Variants in C7orf33 observed in about 807,000 individuals in gnomAD.
The protein encoded by C7orf33 is uncharacterized protein C7orf33.
A neutral mutation model predicts 13.4 loss-of-function variants in C7orf33; 15 were observed. That is an observed-to-expected ratio of 1.12 (90% CI 0.75 to 1.72). C7orf33 has a LOEUF of 1.72. Ranked by LOEUF, C7orf33 falls within the 40% of genes most tolerant of loss-of-function variation. The pLI is 0.00. For missense variants in C7orf33, 187 were observed against 220.3 expected (o/e 0.85, Z 0.96); for synonymous variants, 73 against 83.2 (o/e 0.88, Z 0.67).
chr7:148,595,258 A>G (rs1796315313), intron 1 of C7orf33, among the ~76,000 whole-genome samples: 1 of 144,060 alleles, frequency 6.9e-6, no homozygotes, highest in Admixed American at 7.2e-5. Context: ...TATATCATGT[A>G]TAATATAGAG....
intron 1 of C7orf33, among the ~76,000 whole-genome samples, chr7:148,609,874 C>G (rs1410719282): frequency 1.3e-5 from 2 of 152,184 alleles, no homozygotes; most frequent in Non-Finnish European, 2.9e-5. Context: ...CAGTGTCCCC[C>G]ACCTGGAGGG....
rs143914877 is a variant in C7orf33, at chr7:148,597,858, C to T, written c.204+6729C>T. On this transcript the variant is annotated intron_variant, in intron 1 of 2. Coordinates refer to ENST00000307003, the MANE Select transcript of C7orf33 (RefSeq NM_145304.4). Reference sequence around the variant, plus strand: ...GCAAGCTCCGCTTCCCAGGTTCACGCCATTCTCCTGCCTTAGCCTCCCGAG... The same window carrying T: ...GCAAGCTCCGCTTCCCAGGTTCACGTCATTCTCCTGCCTTAGCCTCCCGAG... Among the ~76,000 whole-genome samples, 677 of 152,184 alleles carry T rather than the reference C, an allele frequency of 4.4e-3. 8 individuals are homozygous for T. Among genetic ancestry groups the T allele is most frequent in the African/African-American group, 0.015 (634 of 41,534 alleles).
chr7:148,599,471 T>C (rs1159081715), intron 1 of C7orf33, among the ~76,000 whole-genome samples: 5 of 89,114 alleles, frequency 5.6e-5, no homozygotes, highest in Non-Finnish European at 2.4e-5. Flanking sequence ...ATTCTCAGAT[T>C]TTTTTTTTTT....
chr7:148,613,934 G>A (rs532506613), intron 1 of C7orf33, 108 bp from the exon 2 acceptor site: 6 of 1,162,350 alleles, frequency 5.2e-6, no homozygotes, highest in Non-Finnish European at 7.3e-6. Context: ...TCATGTGTCT[G>A]ACAGCTACTT....
In C7orf33 at chr7:148,614,164, A is replaced by G; in HGVS notation, c.327A>G (p.Ala109=). The G allele has an allele frequency of 6.2e-7, 1 of 1,614,224 alleles. No individual in the cohort carries two copies. Among genetic ancestry groups the G allele is most frequent in the Non-Finnish European group, 8.5e-7 (1 of 1,180,048 alleles). Residue 109 remains alanine (A), a synonymous_variant, in exon 2 of 3, where the codon GCA becomes GCG. Coordinates refer to ENST00000307003, the MANE Select transcript of C7orf33 (RefSeq NM_145304.4). ...LSQGPTDAQR[A]VRIRPGTRMG... ...AAGGTCCCACGGATGCCCAGAGAGC[A>G]GTCAGAATCAGGCCAGGCACCAGGA... is the stretch of plus-strand genomic sequence containing the variant.
At chr7:148,602,014 A>T (rs1796422633) in intron 1 of C7orf33, among the ~76,000 whole-genome samples, 1 of 152,038 alleles carries the variant, frequency 6.6e-6, no homozygotes, top group Non-Finnish European at 1.5e-5. Flanking sequence ...CTGCCAAAGT[A>T]CTGGGATTAC....
chr7:148,604,233 T>G (rs111780925), intron 1 of C7orf33, among the ~76,000 whole-genome samples: 14,020 of 151,814 alleles, frequency 0.092, 2,153 homozygotes, highest in African/African-American at 0.32. Flanking sequence ...TTCAAGCAAT[T>G]CTCCTGCCTT....
At chr7:148,595,054 T>C (rs1796312726) in intron 1 of C7orf33, among the ~76,000 whole-genome samples, 4 of 151,906 alleles carry the variant, frequency 2.6e-5, no homozygotes. Flanking sequence ...TTTCACTTAA[T>C]AGTTTCTGAA....
chr7:148,601,986 C>A (rs1022385662), intron 1 of C7orf33, among the ~76,000 whole-genome samples: 2 of 151,966 alleles, frequency 1.3e-5, no homozygotes, highest in Admixed American at 6.6e-5. Flanking sequence ...TGGCCTCAAG[C>A]GATCCTCCTC....
chr7:148,599,755 G>A (rs529919971), intron 1 of C7orf33, among the ~76,000 whole-genome samples: 1 of 152,214 alleles, frequency 6.6e-6, no homozygotes, highest in African/African-American at 2.4e-5. Context: ...TTACAGGCGT[G>A]AGCCACCACG....
At chr7:148,594,953 A>G (rs1340764986) in intron 1 of C7orf33, among the ~76,000 whole-genome samples, 1 of 152,088 alleles carries the variant, frequency 6.6e-6, no homozygotes, top group Non-Finnish European at 1.5e-5. Flanking sequence ...GCCACAAGAC[A>G]GTGTCCCCAT....
intron 1 of C7orf33, among the ~76,000 whole-genome samples, chr7:148,593,132 G>C (rs1188516349): frequency 6.6e-6 from 1 of 152,056 alleles, no homozygotes; most frequent in East Asian, 1.9e-4. Flanking sequence ...GAGCCAACAT[G>C]CCTGGCCGAC....
chr7:148,613,063 A>G (rs1467641102), intron 1 of C7orf33, among the ~76,000 whole-genome samples: 1 of 152,108 alleles, frequency 6.6e-6, no homozygotes, highest in Non-Finnish European at 1.5e-5. Flanking sequence ...TCTTCACCCT[A>G]CTGTGCTACA....
chr7:148,609,402 A>G (rs1328907428), intron 1 of C7orf33, among the ~76,000 whole-genome samples: 1 of 152,252 alleles, frequency 6.6e-6, no homozygotes, highest in Non-Finnish European at 1.5e-5. Flanking sequence ...ACAGAGTAAC[A>G]GAAACCCCAA....
In C7orf33 at chr7:148,612,945, G is replaced by T. The variant is rs546755170; in HGVS notation, c.205-1097G>T. Among the ~76,000 whole-genome samples, 5 of 151,858 alleles carry T rather than the reference G, an allele frequency of 3.3e-5. No individual in the cohort carries two copies. In the East Asian group the frequency reaches 7.7e-4, roughly 23 times the overall value. ...TACAATGTGTAATGATCAAATCAGG[G>T]TAATCAGTATATCATCACCTAAAAT... On this transcript the variant is annotated intron_variant, in intron 1 of 2. Coordinates refer to ENST00000307003, the MANE Select transcript of C7orf33 (RefSeq NM_145304.4).
intron 1 of C7orf33, among the ~76,000 whole-genome samples, chr7:148,609,110 A>T (rs1017013912): frequency 2.6e-5 from 4 of 152,142 alleles, no homozygotes; most frequent in Admixed American, 1.3e-4. Flanking sequence ...TTTGAAAAAA[A>T]AAAAAAAAAA....
intron 1 of C7orf33, among the ~76,000 whole-genome samples, chr7:148,612,297 C>A (rs141929666): frequency 6.6e-6 from 1 of 152,004 alleles, no homozygotes; most frequent in Admixed American, 6.6e-5. Flanking sequence ...AATGAACTTC[C>A]CATCAGATCT....
At chr7:148,591,989 C>G (rs578200817) in intron 1 of C7orf33, among the ~76,000 whole-genome samples, 1 of 152,288 alleles carries the variant, frequency 6.6e-6, no homozygotes, top group South Asian at 2.1e-4. Context: ...TTATCTCCAG[C>G]TTTGGGTGTT....
At chr7:148,602,454 A>G (rs983353925) in intron 1 of C7orf33, among the ~76,000 whole-genome samples, 5 of 152,082 alleles carry the variant, frequency 3.3e-5, no homozygotes, top group African/African-American at 1.2e-4. Context: ...AAAACTAGCC[A>G]GGCGTGGTGG....
Sources: gnomAD v4.1 joint callset for allele counts (sites outside exome capture counted in the v4.1 genomes callset) on GRCh38, gnomAD v4.1.1 for gene constraint, MANE v1.5 for transcripts, NCBI Gene and HGNC (gene_info 2026-07-23, HGNC 2026-07-21) for gene names.